The following CALN1 variants were observed in gnomAD, a reference collection of about 807,000 sequenced individuals.
CALN1 encodes the protein calcium-binding protein 8.
Under a neutral mutation model 30.6 loss-of-function variants are expected in CALN1, and 17 were observed. The ratio of observed to expected loss-of-function variants is 0.56; its 90% CI spans 0.38 to 0.83. The LOEUF (loss-of-function observed/expected upper bound fraction) is 0.83, where lower values mean the gene tolerates loss of function less well. Ranked by LOEUF, CALN1 falls within the 40% of genes least tolerant of loss-of-function variation. CALN1 has a pLI of 0.00. For missense variants in CALN1, 291 were observed against 354.9 expected, an observed-to-expected ratio of 0.82 and a Z score of 1.45; for synonymous variants, 156 against 131.4, an observed-to-expected ratio of 1.19 and a Z score of -1.28.
chr7:72,081,364 C>G (rs987082030), intron 4 of CALN1, among the ~76,000 whole-genome samples: 1 of 127,318 alleles, frequency 7.9e-6, no homozygotes, highest in African/African-American at 2.9e-5. Context: ...ATCTCCCTCA[C>G]CCCAACAATG....
intron 2 of CALN1, among the ~76,000 whole-genome samples, chr7:72,366,639 T>TC (rs1246642347): frequency 6.6e-6 from 1 of 152,036 alleles, no homozygotes; most frequent in East Asian, 1.9e-4. Flanking sequence ...CCCCCTTCCA[T>TC]CCTCCCACTT....
chr7:72,133,626 C>T lies in CALN1; in HGVS notation c.245-27332G>A, dbSNP rs1809313368. 2.0e-5 allele frequency among the ~76,000 whole-genome samples: 3 copies of T among 152,122 alleles called. No individual in the cohort carries two copies. In the South Asian group the frequency reaches 6.2e-4, roughly 32 times the overall value. Reference sequence around the variant, plus strand: ...TTCATATAGTTTCAAAGTATTTTCCCACTGAACACTAATTACAAAGGGGGA... The same window carrying T: ...TTCATATAGTTTCAAAGTATTTTCCTACTGAACACTAATTACAAAGGGGGA... On this transcript the variant is annotated intron_variant, in intron 3 of 6. Transcript: ENST00000395275.
At chr7:71,951,086 C>T (rs114873018) in intron 5 of CALN1, among the ~76,000 whole-genome samples, 209 of 152,276 alleles carry the variant, frequency 1.4e-3, no homozygotes, top group African/African-American at 4.6e-3. Flanking sequence ...CTCTCATTCA[C>T]GGCCAGTGCC....
chr7:72,222,325 T>C (rs879095879), intron 3 of CALN1, among the ~76,000 whole-genome samples: 55 of 152,190 alleles, frequency 3.6e-4, no homozygotes, highest in African/African-American at 1.2e-3. Context: ...TGGCATCTGC[T>C]TGGCTTCTGG....
chr7:71,866,138 T>A (rs2116699022), intron 5 of CALN1, among the ~76,000 whole-genome samples: 1 of 152,104 alleles, frequency 6.6e-6, no homozygotes, highest in East Asian at 1.9e-4. Context: ...CCCGAGTAGC[T>A]GGGACTGCAG....
intron 3 of CALN1, among the ~76,000 whole-genome samples, chr7:72,266,391 G>A (rs992226414): frequency 1.3e-5 from 2 of 152,180 alleles, no homozygotes; most frequent in Non-Finnish European, 2.9e-5. Context: ...TTAAAATATA[G>A]TTGAGAAAAC....
the CALN1 span, among the ~76,000 whole-genome samples, chr7:72,465,911 G>A: frequency 2.6e-5 from 4 of 152,184 alleles, no homozygotes; most frequent in South Asian, 2.1e-4. Flanking sequence ...TGGGGACACC[G>A]ATACGGAAGA....
intron 5 of CALN1, among the ~76,000 whole-genome samples, chr7:71,857,302 C>T (rs941308058): frequency 1.3e-5 from 2 of 152,078 alleles, no homozygotes; most frequent in African/African-American, 2.4e-5. Flanking sequence ...TTGAAGAAAG[C>T]TTCATTCTGC....
intron 3 of CALN1, among the ~76,000 whole-genome samples, chr7:72,109,091 A>G (rs778275768): frequency 6.6e-5 from 10 of 152,122 alleles, no homozygotes; most frequent in Non-Finnish European, 8.8e-5. Flanking sequence ...CCCCGCCCAC[A>G]TTGTAGGAGG....
At chr7:71,998,014 T>C (rs1394618781) in intron 5 of CALN1, among the ~76,000 whole-genome samples, 1 of 151,784 alleles carries the variant, frequency 6.6e-6, no homozygotes, top group Non-Finnish European at 1.5e-5. Context: ...AAAGATGGAG[T>C]TTCACCATCT....
chr7:72,119,777 C>T (rs1413345377), intron 3 of CALN1, among the ~76,000 whole-genome samples: 1 of 151,580 alleles, frequency 6.6e-6, no homozygotes, highest in Non-Finnish European at 1.5e-5. Flanking sequence ...ACTTGTTCAC[C>T]ACCACAAGAA....
intron 1 of CALN1, among the ~76,000 whole-genome samples, chr7:72,436,970 T>C (rs570661532): frequency 1.3e-3 from 192 of 151,924 alleles, no homozygotes; most frequent in African/African-American, 4.5e-3. Flanking sequence ...CTTGGGAGGC[T>C]AAGCAGGGAG....
intron 3 of CALN1, among the ~76,000 whole-genome samples, chr7:72,165,225 G>T (rs1016193820): frequency 6.6e-6 from 1 of 152,136 alleles, no homozygotes; most frequent in African/African-American, 2.4e-5. Context: ...TTTCTTCAAG[G>T]CAACTGCCCA....
chr7:72,434,507 C>T (rs993801081), intron 1 of CALN1, among the ~76,000 whole-genome samples: 2 of 149,746 alleles, frequency 1.3e-5, no homozygotes, highest in Non-Finnish European at 3.0e-5. Context: ...GGTGACAGTG[C>T]GAGACTCCAT....
intron 2 of CALN1, among the ~76,000 whole-genome samples, chr7:72,369,977 A>G (rs956342855): frequency 9.9e-5 from 15 of 152,194 alleles, no homozygotes; most frequent in Admixed American, 6.5e-5. Flanking sequence ...TATTTTGGTT[A>G]AATACCTAGA....
At chr7:72,380,728 G>GATACATAA (rs1241303770) in intron 2 of CALN1, among the ~76,000 whole-genome samples, 1 of 152,052 alleles carries the variant, frequency 6.6e-6, no homozygotes, top group East Asian at 1.9e-4. Flanking sequence ...TAGATACATA[G>GATACATAA]ATACATAGAT....
chr7:72,336,370 C>G (rs1005682000), intron 2 of CALN1, among the ~76,000 whole-genome samples: 1 of 152,122 alleles, frequency 6.6e-6, no homozygotes, highest in African/African-American at 2.4e-5. Context: ...CGCCTGGGGG[C>G]TAGAAGAGCG....
At chr7:72,447,978 GCA>G (rs4029788), upstream of CALN1, among the ~76,000 whole-genome samples, 14,148 of 141,924 alleles carry the variant, frequency 0.1, 901 homozygotes, top group East Asian at 0.3. Flanking sequence ...GCCTGCCCAT[GCA>G]CACACACACA....
intron 2 of CALN1, among the ~76,000 whole-genome samples, chr7:72,308,882 C>T (rs1226427411): frequency 6.6e-6 from 1 of 152,072 alleles, no homozygotes; most frequent in African/African-American, 2.4e-5. Context: ...TATGCAAGTA[C>T]CAAAGGAAAA....
Sources: gnomAD v4.1 joint callset for allele counts (sites outside exome capture counted in the v4.1 genomes callset) on GRCh38, gnomAD v4.1.1 for gene constraint, MANE v1.5 for transcripts, NCBI Gene and HGNC (gene_info 2026-07-23, HGNC 2026-07-21) for gene names.